Variants in PTCHD4 observed in about 807,000 individuals in gnomAD.
PTCHD4 encodes the protein patched domain-containing protein 4.
PTCHD4 carries 33 observed loss-of-function variants against 58.1 expected under a neutral mutation model. The observed-to-expected ratio is 0.57, with a 90% CI of 0.43 to 0.76. PTCHD4 has a LOEUF of 0.76. PTCHD4 is among the 30% of genes least tolerant of loss of function. PTCHD4 has a pLI of 0.00. For missense variants in PTCHD4, 1,058 were observed against 1,027.1 expected, an observed-to-expected ratio of 1.03 and a Z score of -0.41; for synonymous variants, 478 against 409.6, an observed-to-expected ratio of 1.17 and a Z score of -2.02.
intron 4 of PTCHD4, among the ~76,000 whole-genome samples, chr6:47,925,760 T>G (rs1248901650): frequency 6.6e-6 from 1 of 152,194 alleles, no homozygotes; most frequent in East Asian, 1.9e-4. Context: ...TCGCTTCTGG[T>G]CAGATGCAGT....
rs1216854313 is a variant in PTCHD4, at chr6:48,051,603, C to T, written c.417+16627G>A. On this transcript the variant is annotated intron_variant, in intron 3 of 4. Coordinates refer to ENST00000339488, the MANE Select transcript of PTCHD4 (RefSeq NM_001384253.1). ...TCATCTTAATATTTCTTGGTCCATA[C>T]CCATAAAATTTTCCTGCTTTGTATT... Among the ~76,000 whole-genome samples the T allele has an allele frequency of 3.3e-5, 5 of 151,826 alleles. No individual in the cohort carries two copies. The South Asian group carries it at 1.0e-3, about 31-fold the overall frequency.
intron 4 of PTCHD4, among the ~76,000 whole-genome samples, chr6:47,906,951 G>T (rs1017636744): frequency 1.3e-5 from 2 of 152,124 alleles, no homozygotes; most frequent in Admixed American, 6.5e-5. Context: ...GTCAGTTTAG[G>T]AAAGAGACAG....
intron 3 of PTCHD4, among the ~76,000 whole-genome samples, chr6:48,044,478 T>C (rs1763963025): frequency 6.6e-6 from 1 of 151,844 alleles, no homozygotes; most frequent in Non-Finnish European, 1.5e-5. Flanking sequence ...GTATCTGTTT[T>C]CCAGTAGAAG....
intron 4 of PTCHD4, among the ~76,000 whole-genome samples, chr6:47,918,324 T>C (rs1765323626): frequency 6.6e-6 from 1 of 152,128 alleles, no homozygotes; most frequent in African/African-American, 2.4e-5. Flanking sequence ...AGATCCAACC[T>C]GAAATTGAGT....
At chr6:47,925,446 G>T (rs183749003) in intron 4 of PTCHD4, among the ~76,000 whole-genome samples, 23 of 152,204 alleles carry the variant, frequency 1.5e-4, no homozygotes, top group African/African-American at 4.6e-4. Context: ...CACTGGCAGG[G>T]TATTTTCCTA....
intron 3 of PTCHD4, among the ~76,000 whole-genome samples, chr6:48,038,025 G>C (rs1026435357): frequency 6.6e-6 from 1 of 151,400 alleles, no homozygotes; most frequent in African/African-American, 2.4e-5. Context: ...GCCTAGTAAT[G>C]TCACTCTCGG....
intron 4 of PTCHD4, among the ~76,000 whole-genome samples, chr6:47,979,705 T>C (rs1170615627): frequency 6.6e-6 from 1 of 152,102 alleles, no homozygotes; most frequent in Non-Finnish European, 1.5e-5. Context: ...TGATATGCCA[T>C]ACTTTTAAAT....
At chr6:47,997,545 C>T (rs1262505960) in intron 4 of PTCHD4, among the ~76,000 whole-genome samples, 1 of 152,100 alleles carries the variant, frequency 6.6e-6, no homozygotes. Context: ...TAGACTAAGT[C>T]AACGAGGGGA....
At chr6:47,945,458 C>A (rs1213656804) in intron 4 of PTCHD4, among the ~76,000 whole-genome samples, 1 of 152,038 alleles carries the variant, frequency 6.6e-6, no homozygotes, top group African/African-American at 2.4e-5. Flanking sequence ...TAAACTCTCT[C>A]TTAAATTTTA....
Position 47,859,185 on chromosome 6 carries a change from G to A in PTCHD4, c.*19118C>T, listed in dbSNP as rs1581790191. 2.0e-5 allele frequency among the ~76,000 whole-genome samples: 3 copies of A among 152,138 alleles called. No homozygotes were observed. The highest frequency in any genetic ancestry group is 2.0e-4 in the Admixed American group (3 of 15,250). Reference sequence around the variant, plus strand: ...GTATCTTTTACTTCTTTAAGCCTGAGAAGCAGCAGGCTACCAATTGCTCCC... The same window carrying A: ...GTATCTTTTACTTCTTTAAGCCTGAAAAGCAGCAGGCTACCAATTGCTCCC... On this transcript the variant is annotated 3_prime_UTR_variant, in exon 5 of 5. Coordinates refer to ENST00000339488, the MANE Select transcript of PTCHD4 (RefSeq NM_001384253.1).
chr6:47,994,314 G>T (rs1768395569), intron 4 of PTCHD4, among the ~76,000 whole-genome samples: 1 of 152,202 alleles, frequency 6.6e-6, no homozygotes, highest in Admixed American at 6.5e-5. Context: ...AGCCAATTAT[G>T]CATAGTGGGT....
chr6:47,981,858 C>T (rs1031640080), intron 4 of PTCHD4, among the ~76,000 whole-genome samples: 1 of 152,190 alleles, frequency 6.6e-6, no homozygotes, highest in African/African-American at 2.4e-5. Context: ...ATACTCCATA[C>T]CGCTGCATTT....
intron 4 of PTCHD4, among the ~76,000 whole-genome samples, chr6:47,962,530 G>T (rs1767135776): frequency 6.6e-6 from 1 of 152,052 alleles, no homozygotes. Context: ...TTGTGATAGT[G>T]AGTGAGTTCT....
In PTCHD4 at chr6:47,868,917, G is replaced by T. The variant is rs1536815; in HGVS notation, c.*9386C>A. ...TATTGAATAAGTCCAAACATTTCCA[G>T]GAAAGACATAAAGGCATCCTTGTTT... On this transcript the variant is annotated 3_prime_UTR_variant, in exon 5 of 5. Coordinates refer to ENST00000339488, the MANE Select transcript of PTCHD4 (RefSeq NM_001384253.1). 0.67 allele frequency among the ~76,000 whole-genome samples: 101,483 copies of T among 151,492 alleles called. 34,427 individuals are homozygous for T. Among genetic ancestry groups the T allele is most frequent in the East Asian group, 0.78 (4,006 of 5,120 alleles).
At chr6:47,954,517 T>C (rs776603384) in intron 4 of PTCHD4, among the ~76,000 whole-genome samples, 9 of 152,248 alleles carry the variant, frequency 5.9e-5, no homozygotes, top group Non-Finnish European at 1.2e-4. Context: ...ACAAATCCTG[T>C]TCTTATGAAA....
chr6:48,071,947 A>G (rs1361577759), intron 1 of PTCHD4, among the ~76,000 whole-genome samples: 1 of 152,212 alleles, frequency 6.6e-6, no homozygotes. Context: ...TTTGGGACGA[A>G]GAACAGAAAG....
chr6:48,049,202 A>ACTAG (rs1178043596), intron 3 of PTCHD4, among the ~76,000 whole-genome samples: 6 of 151,826 alleles, frequency 4.0e-5, no homozygotes. Context: ...GGAGGATGCT[A>ACTAG]CTAGCATCTA....
At chr6:47,924,022 C>T (rs1175682367) in intron 4 of PTCHD4, among the ~76,000 whole-genome samples, 1 of 152,196 alleles carries the variant, frequency 6.6e-6, no homozygotes. Context: ...TTGACATTTC[C>T]AGTTCTTATT....
intron 1 of PTCHD4, among the ~76,000 whole-genome samples, chr6:48,097,070 A>G (rs998893526): frequency 1.3e-5 from 2 of 152,156 alleles, no homozygotes; most frequent in Non-Finnish European, 1.5e-5. Flanking sequence ...ACTTAATTTA[A>G]ACATTTAATA....
Sources: allele counts gnomAD v4.1 joint callset (sites outside exome capture counted in the v4.1 genomes callset), GRCh38; gene constraint gnomAD v4.1.1; transcripts MANE v1.5; gene names NCBI Gene and HGNC (gene_info 2026-07-23, HGNC 2026-07-21).